The following ST6GAL1 variants were observed in gnomAD, a reference collection of about 807,000 sequenced individuals.
ST6GAL1 encodes the protein ST6 beta-galactoside alpha-2,6-sialyltransferase 1.
A neutral mutation model predicts 38.0 loss-of-function variants in ST6GAL1; 20 were observed. That is an observed-to-expected ratio of 0.53 (90% CI 0.37 to 0.77). ST6GAL1 has a LOEUF of 0.77. Among genes scored for constraint, ST6GAL1 ranks in the 30% least tolerant of loss-of-function variants. The probability of loss-of-function intolerance (pLI) is 0.00; values close to 1 mark genes in which losing one functional copy is unlikely to be tolerated. For missense variants in ST6GAL1, 432 were observed against 496.4 expected, an observed-to-expected ratio of 0.87 and a Z score of 1.23; for synonymous variants, 196 against 188.2, an observed-to-expected ratio of 1.04 and a Z score of -0.34.
chr3:186,931,650 G>A (rs1468865584), intron 1 of ST6GAL1, among the ~76,000 whole-genome samples: 1 of 152,216 alleles, frequency 6.6e-6, no homozygotes, highest in African/African-American at 2.4e-5. Context: ...GATTGCCTCT[G>A]TGGGGATATT....
chr3:187,069,487 G>C (rs1406281676), intron 5 of ST6GAL1, among the ~76,000 whole-genome samples: 1 of 152,152 alleles, frequency 6.6e-6, no homozygotes, highest in Non-Finnish European at 1.5e-5. Flanking sequence ...AGGTCCAGGA[G>C]TCCCCTTGGT....
At chr3:187,049,171 G>A (rs1264313719) in intron 4 of ST6GAL1, among the ~76,000 whole-genome samples, 2 of 152,180 alleles carry the variant, frequency 1.3e-5, no homozygotes, top group South Asian at 2.1e-4. Context: ...GATTACAGGC[G>A]TGAGCTACTG....
chr3:186,957,849 G>A (rs1714798590), intron 1 of ST6GAL1, among the ~76,000 whole-genome samples: 1 of 152,106 alleles, frequency 6.6e-6, no homozygotes. Flanking sequence ...TATGAGGGTG[G>A]AATAATGGCA....
intron 2 of ST6GAL1, among the ~76,000 whole-genome samples, chr3:186,987,388 C>A (rs959146654): frequency 4.6e-5 from 7 of 152,070 alleles, no homozygotes; most frequent in Non-Finnish European, 1.0e-4. Flanking sequence ...GGTAACCTAC[C>A]CAAGGTCCAC....
chr3:186,993,760 A>C (rs768737761), intron 2 of ST6GAL1, among the ~76,000 whole-genome samples: 20 of 152,152 alleles, frequency 1.3e-4, no homozygotes, highest in Non-Finnish European at 2.4e-4. Flanking sequence ...TGGTCTTTCG[A>C]AAATCATTTG....
intron 1 of ST6GAL1, among the ~76,000 whole-genome samples, chr3:186,940,012 A>G (rs1714109192): frequency 6.6e-6 from 1 of 152,212 alleles, no homozygotes; most frequent in South Asian, 2.1e-4. Context: ...TTTTTGACTC[A>G]AATAAAATAG....
In ST6GAL1 at chr3:187,023,982, C is replaced by A. The variant is rs142858299; in HGVS notation, c.-182-14760C>A. The stretch of plus-strand genomic sequence containing the variant: ...GCCACCACAAAGTAGAAGAACTCAA[C>A]CTTCCCTATTCATTTCCTCACCTCC... On this transcript the variant is annotated intron_variant, in intron 2 of 7. Transcript: ENST00000169298. Among the ~76,000 whole-genome samples the A allele has an allele frequency of 4.9e-3, 745 of 151,850 alleles. 5 individuals carry two copies. The highest frequency in any genetic ancestry group is 0.031 in the Middle Eastern group (9 of 288).
intron 5 of ST6GAL1, among the ~76,000 whole-genome samples, chr3:187,066,292 T>A (rs2108598858): frequency 6.6e-6 from 1 of 152,286 alleles, no homozygotes; most frequent in South Asian, 2.1e-4. Context: ...AGAGAAAGGA[T>A]GCCTTCAGGC....
chr3:187,025,932 A>G (rs1717519393), intron 2 of ST6GAL1, among the ~76,000 whole-genome samples: 1 of 152,218 alleles, frequency 6.6e-6, no homozygotes, highest in Non-Finnish European at 1.5e-5. Flanking sequence ...CTGGCTGGGA[A>G]AAGATGTAAT....
intron 2 of ST6GAL1, among the ~76,000 whole-genome samples, chr3:186,983,419 T>A (rs1715758158): frequency 1.3e-5 from 2 of 152,238 alleles, no homozygotes; most frequent in East Asian, 1.9e-4. Context: ...TTAAGAAATA[T>A]TCTGAGAGTA....
chr3:186,934,383 G>A (rs1005153127), intron 1 of ST6GAL1, among the ~76,000 whole-genome samples: 5 of 151,888 alleles, frequency 3.3e-5, no homozygotes, highest in African/African-American at 1.2e-4. Flanking sequence ...CTCCCCCACC[G>A]CCATCTCTAC....
At chr3:186,958,528 A>G (rs538214679) in intron 1 of ST6GAL1, among the ~76,000 whole-genome samples, 1 of 152,222 alleles carries the variant, frequency 6.6e-6, no homozygotes, top group Admixed American at 6.5e-5. Flanking sequence ...TGACTCTGGA[A>G]ATAGATACAG....
rs191962516 is a variant in ST6GAL1, at chr3:186,950,719, A to G, written c.-324-13066A>G. Among the ~76,000 whole-genome samples, 334 of 152,388 alleles carry G rather than the reference A, an allele frequency of 2.2e-3. 1 individual carries two copies. Among genetic ancestry groups the G allele is most frequent in the Middle Eastern group, 6.8e-3 (2 of 294 alleles). ...GCAGTGCTCAGTGTCAAATAAAAAG[A>G]ACCGGAGAAGACCACCTTGATAGTT... On this transcript the variant is annotated intron_variant, in intron 1 of 7. Coordinates refer to ENST00000169298, the MANE Select transcript of ST6GAL1 (RefSeq NM_173216.2).
At chr3:187,063,448 G>A (rs922633198) in intron 5 of ST6GAL1, among the ~76,000 whole-genome samples, 26 of 152,322 alleles carry the variant, frequency 1.7e-4, no homozygotes, top group African/African-American at 6.3e-4. Context: ...GAGTGGGACC[G>A]TCAGTAAACC....
chr3:186,997,267 G>T (rs1227622484), intron 2 of ST6GAL1, among the ~76,000 whole-genome samples: 1 of 152,130 alleles, frequency 6.6e-6, no homozygotes, highest in Admixed American at 6.5e-5. Context: ...AATGACCAGG[G>T]TGTCACCCCC....
chr3:186,969,051 C>CTT (rs34520153), intron 2 of ST6GAL1, among the ~76,000 whole-genome samples: 6 of 89,242 alleles, frequency 6.7e-5, no homozygotes, highest in African/African-American at 1.2e-4. Context: ...TTCTCTTTTT[C>CTT]TTTTTTTTTT....
chr3:187,051,369 A>G (rs781415305), intron 5 of ST6GAL1, 23 bp downstream of exon 5: 9 of 1,608,374 alleles, frequency 5.6e-6, no homozygotes, highest in Middle Eastern at 3.3e-4. Context: ...CTGTGCAGCT[A>G]TGGAGTAAGA....
At chr3:187,021,760 A>G (rs953527312) in intron 2 of ST6GAL1, 1 of 149,914 alleles carries the variant, frequency 6.7e-6, no homozygotes, top group Non-Finnish European at 1.5e-5. Context: ...AAAAAAAAAA[A>G]ACCTTCCCAT....
chr3:186,972,503 G>T (rs1012621282), intron 2 of ST6GAL1, among the ~76,000 whole-genome samples: 2 of 151,966 alleles, frequency 1.3e-5, no homozygotes, highest in African/African-American at 4.8e-5. Flanking sequence ...GCCCGCCCCG[G>T]CCTCCCAAAG....
Sources: gnomAD v4.1 joint callset for allele counts (sites outside exome capture counted in the v4.1 genomes callset) on GRCh38, gnomAD v4.1.1 for gene constraint, MANE v1.5 for transcripts, NCBI Gene and HGNC (gene_info 2026-07-23, HGNC 2026-07-21) for gene names.